GRID2: variants seen among roughly 807,000 people sequenced by gnomAD.
The protein encoded by GRID2 is glutamate receptor ionotropic, delta-2.
In GRID2, 33 loss-of-function variants were observed where a neutral mutation model predicts 114.8. The observed-to-expected ratio is 0.29, with a 90% CI of 0.22 to 0.38. The LOEUF (loss-of-function observed/expected upper bound fraction) is 0.38. GRID2 is among the 10% of genes least tolerant of loss of function. GRID2 has a pLI of 1.00. For missense variants in GRID2, 1,184 were observed against 1,257.7 expected (o/e 0.94, Z 0.89); for synonymous variants, 505 against 449.9 (o/e 1.12, Z -1.55).
intron 2 of GRID2, among the ~76,000 whole-genome samples, chr4:92,723,760 C>A (rs113951672): frequency 3.1e-4 from 47 of 152,110 alleles, no homozygotes; most frequent in Non-Finnish European, 5.3e-4. Context: ...GGAGAGATGG[C>A]TCAAAGCCTT....
At chr4:93,242,924 C>T (rs1011017697) in intron 8 of GRID2, among the ~76,000 whole-genome samples, 3 of 152,022 alleles carry the variant, frequency 2.0e-5, no homozygotes, top group Non-Finnish European at 4.4e-5. Flanking sequence ...GTGAATCATA[C>T]ACATTAGATT....
intron 10 of GRID2, among the ~76,000 whole-genome samples, chr4:93,427,681 T>C (rs1215720080): frequency 6.6e-6 from 1 of 151,986 alleles, no homozygotes; most frequent in Non-Finnish European, 1.5e-5. Flanking sequence ...ACATACATAC[T>C]TTTAAGAGAG....
chr4:92,525,064 A>G (rs1318843171), intron 1 of GRID2, among the ~76,000 whole-genome samples: 2 of 152,010 alleles, frequency 1.3e-5, no homozygotes, highest in African/African-American at 4.8e-5. Context: ...AAGAAAACCA[A>G]AGTGTCCAGA....
At chr4:92,844,014 AT>A (rs1743108527) in intron 2 of GRID2, among the ~76,000 whole-genome samples, 1 of 152,130 alleles carries the variant, frequency 6.6e-6, no homozygotes, top group South Asian at 2.1e-4. Flanking sequence ...ATCAAATCCC[AT>A]TGATTAATAT....
intron 2 of GRID2, among the ~76,000 whole-genome samples, chr4:92,605,173 C>A (rs1729395929): frequency 6.6e-6 from 1 of 151,970 alleles, no homozygotes; most frequent in African/African-American, 2.4e-5. Flanking sequence ...TCAGGCAGTT[C>A]TTTATAGCAG....
chr4:93,791,201 A>G (rs565500842), intron 1 of GRID2, among the ~76,000 whole-genome samples: 1 of 152,346 alleles, frequency 6.6e-6, no homozygotes, highest in South Asian at 2.1e-4. Context: ...AACCTGCAAT[A>G]TAAAATAAAA....
chr4:93,052,788 A>T (rs1726850436), intron 2 of GRID2, among the ~76,000 whole-genome samples: 1 of 151,880 alleles, frequency 6.6e-6, no homozygotes, highest in African/African-American at 2.4e-5. Flanking sequence ...CCCTCATCAG[A>T]TACTCCAGAG....
At position 92,336,954 on chromosome 4, in the gene GRID2, G is replaced by GTTTTTTTTT. The variant is rs59093874; in HGVS notation, c.88+32223_88+32231dup. ...GGACCAAGTCAGGTCTTTCGTTGTT[G>GTTTTTTTTT]TTTTTTTTTTTTTTTTTTTTTCATG... On this transcript the variant is annotated intron_variant, in intron 1 of 15. Transcript: ENST00000282020. 5.2e-4 allele frequency among the ~76,000 whole-genome samples: 41 copies of GTTTTTTTTT among 78,154 alleles called. 1 individual carries two copies. Among genetic ancestry groups the GTTTTTTTTT allele is most frequent in the Non-Finnish European group, 7.3e-4 (32 of 44,088 alleles). The allele number at this position is 78,154 out of a possible 152,430, so 51.3% of individuals were successfully genotyped here.
At chr4:93,103,252 G>C (rs541657864) in intron 3 of GRID2, among the ~76,000 whole-genome samples, 8 of 151,978 alleles carry the variant, frequency 5.3e-5, no homozygotes, top group African/African-American at 1.4e-4. Context: ...AGACTGCATC[G>C]TAGCCTCCCT....
At chr4:92,909,315 G>A (rs1357650618) in intron 2 of GRID2, among the ~76,000 whole-genome samples, 1 of 151,000 alleles carries the variant, frequency 6.6e-6, no homozygotes, top group Admixed American at 6.6e-5. Context: ...TTTTGCGATA[G>A]CCATCTCTCC....
intron 1 of GRID2, among the ~76,000 whole-genome samples, chr4:92,411,789 T>C (rs1175993489): frequency 2.0e-5 from 3 of 151,302 alleles, no homozygotes; most frequent in African/African-American, 7.3e-5. Flanking sequence ...CACTGCAAGC[T>C]CCGCCTCCCG....
chr4:92,918,287 T>C (rs1030473098), intron 2 of GRID2, among the ~76,000 whole-genome samples: 5 of 152,214 alleles, frequency 3.3e-5, no homozygotes, highest in African/African-American at 1.2e-4. Context: ...TACAATCATG[T>C]CATCTGCAAA....
intron 8 of GRID2, among the ~76,000 whole-genome samples, chr4:93,249,313 C>T (rs1748566260): frequency 1.3e-5 from 2 of 152,078 alleles, no homozygotes; most frequent in African/African-American, 4.8e-5. Flanking sequence ...CAAGATGCCT[C>T]CAGCTTTGTT....
chr4:92,952,655 G>T (rs1446133548), intron 2 of GRID2, among the ~76,000 whole-genome samples: 1 of 152,168 alleles, frequency 6.6e-6, no homozygotes, highest in African/African-American at 2.4e-5. Flanking sequence ...TAACTGAATT[G>T]CCTAACTCAA....
chr4:92,591,025 TG>T, intron 2 of GRID2, among the ~76,000 whole-genome samples: 1 of 152,236 alleles, frequency 6.6e-6, no homozygotes, highest in East Asian at 1.9e-4. Flanking sequence ...ATGAAACTAT[TG>T]GTTGATAATT....
In GRID2 at chr4:92,794,874, T is replaced by TTATATATATA. The variant is rs34559735; in HGVS notation, c.244+204611_244+204620dup. 9.5e-3 allele frequency among the ~76,000 whole-genome samples: 1,011 copies of TTATATATATA among 105,932 alleles called. 15 individuals carry two copies. The highest frequency in any genetic ancestry group is 0.024 in the African/African-American group (582 of 23,964). 69.5% of individuals were successfully genotyped at this position (105,932 alleles called of 152,430 possible). On this transcript the variant is annotated intron_variant, in intron 2 of 15. Transcript: ENST00000282020. ...CAGAGTCATTTAATAAATAATTGTT[T>TTATATATATA]TATATATATATATATATATATATAT...
intron 2 of GRID2, among the ~76,000 whole-genome samples, chr4:92,926,656 A>G (rs1749830724): frequency 1.3e-5 from 2 of 151,932 alleles, no homozygotes; most frequent in Admixed American, 1.3e-4. Flanking sequence ...AATGAATTTC[A>G]TTGTTTTGGC....
chr4:93,414,510 C>T (rs1014155278), intron 9 of GRID2, among the ~76,000 whole-genome samples: 2 of 152,078 alleles, frequency 1.3e-5, no homozygotes, highest in Non-Finnish European at 2.9e-5. Context: ...TCTTCTGTCT[C>T]TTAAACAAGT....
intron 2 of GRID2, among the ~76,000 whole-genome samples, chr4:92,754,550 C>T (rs1042343873): frequency 7.9e-5 from 12 of 152,020 alleles, no homozygotes; most frequent in Admixed American, 3.3e-4. Context: ...CCGATCTCAC[C>T]GTGGTGTTGT....
Sources: gnomAD v4.1 joint callset for allele counts (sites outside exome capture counted in the v4.1 genomes callset) on GRCh38, gnomAD v4.1.1 for gene constraint, MANE v1.5 for transcripts, NCBI Gene and HGNC (gene_info 2026-07-23, HGNC 2026-07-21) for gene names.